The following MCUB variants were observed in gnomAD, a reference collection of about 807,000 sequenced individuals.
MCUB encodes mitochondrial calcium uniporter dominant negative subunit beta, also known as calcium uniporter regulatory subunit MCUb, mitochondrial.
Under a neutral mutation model 41.4 loss-of-function variants are expected in MCUB, and 46 were observed. That is an observed-to-expected ratio of 1.11 (90% CI 0.88 to 1.42). The LOEUF (loss-of-function observed/expected upper bound fraction) is 1.42, where lower values mean the gene tolerates loss of function less well. Among genes scored for constraint, MCUB ranks in the 40% most tolerant of loss-of-function variants. The pLI is 0.00. For missense variants in MCUB, 403 were observed against 404.9 expected, an observed-to-expected ratio of 1.00 and a Z score of 0.04; for synonymous variants, 148 against 148.2, an observed-to-expected ratio of 1.00 and a Z score of 0.01.
chr4:109,569,567 G>A (rs1241328518), intron 1 of MCUB, among the ~76,000 whole-genome samples: 1 of 137,596 alleles, frequency 7.3e-6, no homozygotes. Context: ...GCAGTGGTGC[G>A]ATTTTGGCTT....
intron 1 of MCUB, among the ~76,000 whole-genome samples, chr4:109,590,564 A>G (rs1279371073): frequency 6.6e-6 from 1 of 152,244 alleles, no homozygotes; most frequent in African/African-American, 2.4e-5. Flanking sequence ...AGTTGTATAA[A>G]TTGCTATGAA....
At chr4:109,597,770 C>T (rs1423554373) in intron 1 of MCUB, among the ~76,000 whole-genome samples, 47 of 150,154 alleles carry the variant, frequency 3.1e-4, no homozygotes, top group Non-Finnish European at 5.5e-4. Context: ...GGGTGGCTGC[C>T]GGGCGGAGAG....
At chr4:109,680,549 T>TTTTTTTTTTTTTTTTGAG (rs1729692480) in intron 4 of MCUB, among the ~76,000 whole-genome samples, 1 of 152,040 alleles carries the variant, frequency 6.6e-6, no homozygotes, top group African/African-American at 2.4e-5. Context: ...GTATATGTTT[T>TTTTTTTTTTTTTTTTGAG]ATGTACCAAT....
intron 4 of MCUB, among the ~76,000 whole-genome samples, chr4:109,669,358 A>G (rs1302572806): frequency 6.6e-6 from 1 of 152,058 alleles, no homozygotes; most frequent in Non-Finnish European, 1.5e-5. Context: ...TCTTGCTTGT[A>G]TGATTTCAGA....
At chr4:109,599,688 T>TA (rs1727683409) in intron 1 of MCUB, among the ~76,000 whole-genome samples, 1 of 151,798 alleles carries the variant, frequency 6.6e-6, no homozygotes, top group Non-Finnish European at 1.5e-5. Context: ...TTTATTTTTT[T>TA]AAGACAGAAT....
intron 1 of MCUB, among the ~76,000 whole-genome samples, chr4:109,602,324 G>A (rs1412283552): frequency 6.6e-6 from 1 of 152,146 alleles, no homozygotes; most frequent in African/African-American, 2.4e-5. Flanking sequence ...ATGTTTTCTT[G>A]TAGTAGTTTT....
intron 1 of MCUB, among the ~76,000 whole-genome samples, chr4:109,603,246 C>A (rs1355174644): frequency 1.3e-5 from 2 of 152,208 alleles, no homozygotes; most frequent in South Asian, 4.1e-4. Flanking sequence ...CAGGCGCGCG[C>A]CGCCACGCCT....
At chr4:109,660,926 G>T (rs1036499861) in intron 3 of MCUB, among the ~76,000 whole-genome samples, 2 of 152,000 alleles carry the variant, frequency 1.3e-5, no homozygotes, top group East Asian at 1.9e-4. Context: ...AGCCTTAAAG[G>T]TTTTTCATGA....
intron 1 of MCUB, among the ~76,000 whole-genome samples, chr4:109,585,227 T>C (rs1461960547): frequency 6.6e-6 from 1 of 152,192 alleles, no homozygotes; most frequent in African/African-American, 2.4e-5. Flanking sequence ...CTTTTGATCT[T>C]TGCTGGTTTA....
chr4:109,668,939 C>A (rs956237344), intron 4 of MCUB, among the ~76,000 whole-genome samples: 4 of 152,072 alleles, frequency 2.6e-5, no homozygotes, highest in Non-Finnish European at 5.9e-5. Flanking sequence ...CCTGATTTCT[C>A]CCTCATGCCC....
chr4:109,621,903 A>C (rs1207509737), intron 1 of MCUB, among the ~76,000 whole-genome samples: 1 of 152,018 alleles, frequency 6.6e-6, no homozygotes, highest in African/African-American at 2.4e-5. Flanking sequence ...ATTTTTTGAG[A>C]TGGAGTCTCA....
chr4:109,673,929 C>T lies in MCUB; in HGVS notation c.452-8653C>T, dbSNP rs188135264. 1.8e-5 allele frequency: 14 copies of T among 783,590 alleles called. No homozygotes were observed. In the African/African-American group the frequency reaches 1.9e-4, roughly 10 times the overall value. The allele number at this position is 783,590 out of a possible 1,614,324, so 48.5% of individuals were successfully genotyped here. A position where few individuals can be genotyped will look rare whatever the true frequency, so the allele number is the denominator to read the frequency against. ...TTCGAAAAGCTAAAGAGGCACCATT[C>T]GTACCCATTGGAATAGCAGGTTTTG... On this transcript the variant is annotated intron_variant, in intron 4 of 7. Coordinates refer to ENST00000394650, the MANE Select transcript of MCUB (RefSeq NM_017918.5).
At chr4:109,657,555 G>A (rs1017168584) in intron 1 of MCUB, among the ~76,000 whole-genome samples, 1 of 151,956 alleles carries the variant, frequency 6.6e-6, no homozygotes, top group Non-Finnish European at 1.5e-5. Flanking sequence ...ATAAACTACT[G>A]TAAGGTGATG....
chr4:109,633,004 A>G (rs758692558), intron 1 of MCUB, among the ~76,000 whole-genome samples: 11 of 152,224 alleles, frequency 7.2e-5, no homozygotes, highest in Non-Finnish European at 1.2e-4. Context: ...CTGATATGCC[A>G]AAATAATGAT....
At chr4:109,603,592 G>A (rs147305704) in intron 1 of MCUB, among the ~76,000 whole-genome samples, 2 of 151,110 alleles carry the variant, frequency 1.3e-5, no homozygotes, top group East Asian at 2.0e-4. Context: ...CTACCTGGCC[G>A]CCACCCTGTC....
rs1397848949 is a variant in MCUB at position 109,634,816 on chromosome 4, AATT to A, written c.100-24183_100-24181del. On this transcript the variant is annotated intron_variant, in intron 1 of 7. Coordinates refer to ENST00000394650, the MANE Select transcript of MCUB (RefSeq NM_017918.5). ...TTCATTTTTAAAGCAGCTCTTTTTA[AATT>A]ATTATTATTATACTGGGATACATGT... Among the ~76,000 whole-genome samples, 19 of 152,184 alleles carry A rather than the reference AATT, an allele frequency of 1.2e-4. No homozygotes were observed. The South Asian group carries it at 2.7e-3, about 22-fold the overall frequency.
In MCUB at chr4:109,658,987, CAAAT is replaced by C; in HGVS notation, c.100-23_100-20del. The C allele has an allele frequency of 7.4e-7, 1 of 1,352,458 alleles. No homozygotes were observed. The highest frequency in any genetic ancestry group is 1.0e-6 in the Non-Finnish European group (1 of 967,920). The allele number at this position is 1,352,458 out of a possible 1,614,324, so 83.8% of individuals were successfully genotyped here. On this transcript the variant is annotated intron_variant, in intron 1 of 7. Transcript: ENST00000394650. ...CTTTCCCACTCTTTTTTTAAAAAAA[CAAAT>C]TAATTTTTCCTTCTTGTAGGTTTTG...
At chr4:109,570,991 AG>A (rs1234927785) in intron 1 of MCUB, among the ~76,000 whole-genome samples, 3 of 152,226 alleles carry the variant, frequency 2.0e-5, no homozygotes, top group Non-Finnish European at 4.4e-5. Flanking sequence ...TCTGAAGTCA[AG>A]GGAAGAATCA....
intron 1 of MCUB, among the ~76,000 whole-genome samples, chr4:109,633,058 A>C (rs1361006907): frequency 6.6e-6 from 1 of 152,214 alleles, no homozygotes; most frequent in East Asian, 1.9e-4. Context: ...GTTAGAAAGT[A>C]GAGATGTAAG....
Sources: gnomAD v4.1 joint callset for allele counts (sites outside exome capture counted in the v4.1 genomes callset) on GRCh38, gnomAD v4.1.1 for gene constraint, MANE v1.5 for transcripts, NCBI Gene and HGNC (gene_info 2026-07-23, HGNC 2026-07-21) for gene names.